The following SNPH variants were observed in gnomAD, a reference collection of about 807,000 sequenced individuals.
The protein encoded by SNPH is syntaphilin.
In SNPH, 10 loss-of-function variants were observed where a neutral mutation model predicts 36.8. The ratio of observed to expected loss-of-function variants is 0.27; its 90% CI spans 0.17 to 0.46. SNPH has a LOEUF of 0.46. Ranked by LOEUF, SNPH falls within the 20% of genes least tolerant of loss-of-function variation. The pLI, the probability that SNPH is intolerant of heterozygous loss-of-function variation, is 1.00. For missense variants in SNPH, 622 were observed against 744.0 expected (o/e 0.84, Z 1.91); for synonymous variants, 281 against 312.2 (o/e 0.90, Z 1.05).
Position 1,305,983 on chromosome 20 carries a change from A to T in SNPH, c.1546A>T (p.Ile516Phe). 6.5e-7 allele frequency: 1 copy of T among 1,543,774 alleles called. No individual in the cohort carries two copies. Among genetic ancestry groups the T allele is most frequent in the Middle Eastern group, 1.7e-4 (1 of 5,874 alleles). Residue 516 changes from isoleucine (I) to phenylalanine (F), a missense_variant, in exon 7 of 7, where the codon ATC becomes TTC. Ile to Phe is a conservative substitution (Grantham distance 21, BLOSUM62 0). Around this residue, in one of 3 missense-constraint regions of SNPH, gnomAD observed 379 missense variants for 427.9 expected, o/e 0.89. Transcript: ENST00000381867. ...RGCCTVALHS[I>F]RRISCRSLSQ... The stretch of plus-strand genomic sequence containing the variant: ...CTGCTGCACTGTGGCCTTGCACTCC[A>T]TCCGCAGGATCAGCTGCCGCTCGCT...
intron 2 of SNPH, among the ~76,000 whole-genome samples, chr20:1,280,471 T>C (rs1485851855): frequency 1.3e-5 from 2 of 152,160 alleles, no homozygotes; most frequent in Non-Finnish European, 2.9e-5. Flanking sequence ...ATTTTCAAGA[T>C]GAATTGCAAA....
chr20:1,296,535 T>G, intron 4 of SNPH, 114 bp downstream of exon 4: 1 of 892,864 alleles, frequency 1.1e-6, no homozygotes, highest in Non-Finnish European at 1.7e-6. Context: ...CATTTCCCAT[T>G]CCCATCTTTA....
rs1360257407 is a variant in SNPH, at chr20:1,305,323, C to T, written c.886C>T (p.Leu296=). The stretch of plus-strand genomic sequence containing the variant: ...TGGCTTTGCAGCAGCCGATGACACA[C>T]TGAGCCGGACGGACGCGCTGGAAGC... ...DSGFAAADDT[L]SRTDALEASS... is the part of the protein sequence containing the mutation. Residue 296 remains leucine, a synonymous_variant, in exon 7 of 7, where the codon CTG becomes TTG. Coordinates refer to ENST00000381867, the MANE Select transcript of SNPH (RefSeq NM_001318234.2). 6.2e-7 allele frequency: 1 copy of T among 1,610,538 alleles called. No individual in the cohort carries two copies. Among genetic ancestry groups the T allele is most frequent in the Admixed American group, 1.7e-5 (1 of 59,996 alleles).
chr20:1,303,842 G>C (rs552963221), intron 6 of SNPH, among the ~76,000 whole-genome samples: 1 of 152,250 alleles, frequency 6.6e-6, no homozygotes, highest in African/African-American at 2.4e-5. Context: ...TGGGAATGTA[G>C]GGTTTAGGCT....
rs779421994 is a variant in SNPH at position 1,266,625 on chromosome 20, C to G, written c.-599-29C>G. On this transcript the variant is annotated intron_variant, in intron 1 of 6. Transcript: ENST00000381867. The surrounding 1 kb of genome is among the most constrained non-coding windows in gnomAD (Gnocchi z 6.0). ...GTTCCCCGCCCGCGCTCACCCGCCC[C>G]GGTCTATCTCTTTTTCCTAACCCCG... 1.1e-5 allele frequency: 16 copies of G among 1,478,010 alleles called. No homozygotes were observed. The African/African-American group carries it at 1.9e-4, about 18-fold the overall frequency. The allele number at this position is 1,478,010 out of a possible 1,614,324, so 91.6% of individuals were successfully genotyped here.
Position 1,304,804 on chromosome 20 carries a change from C to T in SNPH, c.441-74C>T. 2 of 1,448,074 alleles carry T rather than the reference C, an allele frequency of 1.4e-6. No homozygotes were observed. Among genetic ancestry groups the T allele is most frequent in the South Asian group, 1.3e-5 (1 of 79,596 alleles). The allele number at this position is 1,448,074 out of a possible 1,614,324, so 89.7% of individuals were successfully genotyped here. A position where few individuals can be genotyped will look rare whatever the true frequency, so the allele number is the denominator to read the frequency against. ...CCTTCATCCTTGGCAACAGTGTCCT[C>T]TCCCTGCCTCTCCTTGGCGGTGACA... On this transcript the variant is annotated intron_variant, in intron 6 of 6. Coordinates refer to ENST00000381867, the MANE Select transcript of SNPH (RefSeq NM_001318234.2). The surrounding 1 kb of genome is among the most constrained non-coding windows in gnomAD (Gnocchi z 4.3).
At chr20:1,297,094 G>A (rs537369249) in intron 4 of SNPH, 51 bp from the exon 5 acceptor site, 16 of 1,563,970 alleles carry the variant, frequency 1.0e-5, no homozygotes, top group Admixed American at 3.7e-5. Context: ...CCCAGTGTCC[G>A]CAGCTGCCCG....
At chr20:1,303,839 G>A (rs1270359045) in intron 6 of SNPH, among the ~76,000 whole-genome samples, 1 of 152,164 alleles carries the variant, frequency 6.6e-6, no homozygotes, top group Non-Finnish European at 1.5e-5. Context: ...GGATGGGAAT[G>A]TAGGGTTTAG....
chr20:1,280,106 C>T (rs971173472), intron 2 of SNPH, among the ~76,000 whole-genome samples: 4 of 152,182 alleles, frequency 2.6e-5, no homozygotes, highest in Admixed American at 2.6e-4. Context: ...GGAGCGGTGC[C>T]CACAGCTTTT....
In SNPH at chr20:1,306,002, G is replaced by C; in HGVS notation, c.1565G>C (p.Arg522Pro). ...CACTCCATCCGCAGGATCAGCTGCC[G>C]CTCGCTGAGCCAGCCGAGTCCCAGC... Reference protein sequence around the residue: ...ALHSIRRISCRSLSQPSPSPA... With the variant: ...ALHSIRRISCPSLSQPSPSPA... The change falls in exon 7 of 7, where the codon CGC becomes CCC. Residue 522 changes from arginine to proline, a missense_variant. By Grantham distance (103) the Arg-to-Pro change is moderately radical. Around this residue, in one of 3 missense-constraint regions of SNPH, gnomAD observed 379 missense variants for 427.9 expected, o/e 0.89. Coordinates refer to ENST00000381867, the MANE Select transcript of SNPH (RefSeq NM_001318234.2). 6.5e-7 allele frequency: 1 copy of C among 1,528,062 alleles called. No individual in the cohort carries two copies. The highest frequency in any genetic ancestry group is 8.8e-7 in the Non-Finnish European group (1 of 1,138,002). The allele number at this position is 1,528,062 out of a possible 1,614,324, so 94.7% of individuals were successfully genotyped here.
chr20:1,289,171 A>G (rs1236314898), intron 2 of SNPH, among the ~76,000 whole-genome samples: 3 of 152,188 alleles, frequency 2.0e-5, no homozygotes, highest in African/African-American at 7.2e-5. Flanking sequence ...CTGGAAATCC[A>G]GGGTCCAGCC....
At chr20:1,277,831 CTGTGTGTGTCAG>C (rs2088161458) in intron 2 of SNPH, among the ~76,000 whole-genome samples, 1 of 110,650 alleles carries the variant, frequency 9.0e-6, no homozygotes. Flanking sequence ...GTCTGTGTAT[CTGTGTGTGTCAG>C]TGTGTGTGTC....
rs1429506994 is a variant in SNPH, at chr20:1,294,040, T to C, written c.-492-911T>C. Among the ~76,000 whole-genome samples, 4 of 152,044 alleles carry C rather than the reference T, an allele frequency of 2.6e-5. No individual in the cohort carries two copies. The highest frequency in any genetic ancestry group is 4.4e-5 in the Non-Finnish European group (3 of 67,996). The stretch of plus-strand genomic sequence containing the variant: ...TCTGAGTCCTGCCTCTGCTGGAAAG[T>C]CCTCCTGAAGGCTCAGCCTCCTTTT... On this transcript the variant is annotated intron_variant, in intron 2 of 6. Coordinates refer to ENST00000381867, the MANE Select transcript of SNPH (RefSeq NM_001318234.2). The surrounding 1 kb of genome is among the most constrained non-coding windows in gnomAD (Gnocchi z 4.4).
At chr20:1,283,150 G>C (rs1384868853) in intron 2 of SNPH, among the ~76,000 whole-genome samples, 1 of 152,172 alleles carries the variant, frequency 6.6e-6, no homozygotes, top group Non-Finnish European at 1.5e-5. Context: ...TTCCTGAAAA[G>C]GATTTCCCCC....
chr20:1,286,089 TAAAAAA>T (rs11475556), intron 2 of SNPH, among the ~76,000 whole-genome samples: 9 of 100,518 alleles, frequency 9.0e-5, no homozygotes, highest in African/African-American at 3.1e-4. Context: ...GACTCCATCT[TAAAAAA>T]AAAAAAAAAA....
At chr20:1,284,536 A>C (rs573966122) in intron 2 of SNPH, among the ~76,000 whole-genome samples, 1 of 152,324 alleles carries the variant, frequency 6.6e-6, no homozygotes, top group South Asian at 2.1e-4. Context: ...AAGCATGGGA[A>C]GAAAGAGGAG....
At chr20:1,280,370 A>G (rs1400683791) in intron 2 of SNPH, among the ~76,000 whole-genome samples, 1 of 152,242 alleles carries the variant, frequency 6.6e-6, no homozygotes, top group Non-Finnish European at 1.5e-5. Context: ...ACAAGCATTC[A>G]GGCCTGGATT....
chr20:1,266,331 T>G lies in SNPH; in HGVS notation c.-666T>G, dbSNP rs2088003107. The G allele has an allele frequency of 5.6e-6, 1 of 179,598 alleles. No individual in the cohort carries two copies. The highest frequency in any genetic ancestry group is 1.1e-5 in the Non-Finnish European group (1 of 88,400). 11.1% of individuals were successfully genotyped at this position (179,598 alleles called of 1,614,324 possible). A position where few individuals can be genotyped will look rare whatever the true frequency, so the allele number is the denominator to read the frequency against. ...GGCGAGCACCCAGCTAGCCGCCTCC[T>G]GCAGGGGCTCGGGAGAGCAATTCGG... On this transcript the variant is annotated 5_prime_UTR_variant, in exon 1 of 7. Transcript: ENST00000381867. This position sits in a 1 kb window ranked among gnomAD's most constrained non-coding sequence, Gnocchi z 6.0.
In SNPH at chr20:1,305,468, T is replaced by A. The variant is rs758987099; in HGVS notation, c.1031T>A (p.Met344Lys). Residue 344 changes from methionine (M) to lysine (K), a missense_variant, in exon 7 of 7, where the codon ATG becomes AAG. By Grantham distance (95) the Met-to-Lys change is moderately conservative. Around this residue, in one of 3 missense-constraint regions of SNPH, gnomAD observed 379 missense variants for 427.9 expected, o/e 0.89. Transcript: ENST00000381867. ...ACCTATGAGAAGCTGCTGTGTGGCA[T>A]GGAGGCTGGTGTGCAGGCCAGCTGC... ...SNTYEKLLCGMEAGVQASCMQ... is the reference protein window; with the variant it reads ...SNTYEKLLCGKEAGVQASCMQ... 1 of 1,613,234 alleles carries A rather than the reference T, an allele frequency of 6.2e-7. No individual in the cohort carries two copies. Among genetic ancestry groups the A allele is most frequent in the Non-Finnish European group, 8.5e-7 (1 of 1,180,034 alleles).
Sources: gnomAD v4.1 joint callset for allele counts (sites outside exome capture counted in the v4.1 genomes callset) on GRCh38, gnomAD v4.1.1 for gene constraint, gnomAD v4.1.1 regional missense constraint, Gnocchi (gnomAD v3.1) non-coding constraint, MANE v1.5 for transcripts, NCBI Gene and HGNC (gene_info 2026-07-23, HGNC 2026-07-21) for gene names.